Variants in SCRG1 observed in about 807,000 individuals in gnomAD.
SCRG1 encodes stimulator of chondrogenesis 1, also known as scrapie-responsive protein 1.
Under a neutral mutation model 7.7 loss-of-function variants are expected in SCRG1, and 3 were observed. That is an observed-to-expected ratio of 0.39 (90% CI 0.18 to 1.01). The LOEUF (loss-of-function observed/expected upper bound fraction) is 1.01, where lower values mean the gene tolerates loss of function less well. Ranked by LOEUF, SCRG1 falls within the 50% of genes least tolerant of loss-of-function variation. The pLI, the probability that SCRG1 is intolerant of heterozygous loss-of-function variation, is 0.36. For missense variants in SCRG1, 110 were observed against 117.2 expected, an observed-to-expected ratio of 0.94 and a Z score of 0.28; for synonymous variants, 46 against 41.2, an observed-to-expected ratio of 1.12 and a Z score of -0.44.
the SCRG1 span, among the ~76,000 whole-genome samples, chr4:173,484,683 T>TATTATATATTATATGCATATAATAC: frequency 2.0e-4 from 10 of 50,086 alleles, no homozygotes; most frequent in African/African-American, 6.1e-4. Flanking sequence ...ATGTATAATA[T>TATTATATATTATATGCATATAATAC]ATATTATATA....
chr4:173,396,857 A>AGG (rs888006598), intron 1 of SCRG1, among the ~76,000 whole-genome samples: 1 of 151,920 alleles, frequency 6.6e-6, no homozygotes, highest in Non-Finnish European at 1.5e-5. Context: ...GATTGAGACC[A>AGG]TGTTGGCCAA....
the SCRG1 span, chr4:173,419,309 T>G: frequency 1.9e-5 from 14 of 726,074 alleles, no homozygotes; most frequent in Non-Finnish European, 2.7e-5. Context: ...TACCCAATCT[T>G]TCTTCTGAGC....
the SCRG1 span, among the ~76,000 whole-genome samples, chr4:173,483,377 T>TCATGA: frequency 6.2e-5 from 1 of 16,144 alleles, no homozygotes; most frequent in African/African-American, 1.9e-4. Context: ...TAATATTATA[T>TCATGA]TATATATTAT....
the SCRG1 span, among the ~76,000 whole-genome samples, chr4:173,478,081 C>T: frequency 6.6e-6 from 1 of 152,098 alleles, no homozygotes; most frequent in Non-Finnish European, 1.5e-5. Flanking sequence ...AGGAAAAAAA[C>T]TGGGCTTGGC....
the SCRG1 span, among the ~76,000 whole-genome samples, chr4:173,481,938 G>C: frequency 6.6e-6 from 1 of 151,988 alleles, no homozygotes; most frequent in Non-Finnish European, 1.5e-5. Context: ...CAGCACCTCT[G>C]ACCCTTGTGT....
chr4:173,431,653 G>T, the SCRG1 span, among the ~76,000 whole-genome samples: 1 of 152,212 alleles, frequency 6.6e-6, no homozygotes, highest in African/African-American at 2.4e-5. Flanking sequence ...TATTTAACTA[G>T]AGTTGGTTTC....
the SCRG1 span, among the ~76,000 whole-genome samples, chr4:173,493,674 G>A: frequency 6.6e-6 from 1 of 150,556 alleles, no homozygotes. Flanking sequence ...TAATGTTGCC[G>A]AGTGCTCTAT....
At chr4:173,408,236 T>C (rs973393352), upstream of SCRG1, among the ~76,000 whole-genome samples, 2 of 152,238 alleles carry the variant, frequency 1.3e-5, no homozygotes, top group Non-Finnish European at 2.9e-5. Context: ...CACTGAAAGT[T>C]TAAAGCATAG....
At chr4:173,476,354 GAAAAA>G in the SCRG1 span, among the ~76,000 whole-genome samples, 3 of 70,164 alleles carry the variant, frequency 4.3e-5, no homozygotes, top group Admixed American at 1.6e-4. Context: ...CTCTGAGGGG[GAAAAA>G]AAAAATATAT....
chr4:173,478,075 A>T, the SCRG1 span, among the ~76,000 whole-genome samples: 1 of 152,288 alleles, frequency 6.6e-6, no homozygotes, highest in African/African-American at 2.4e-5. Context: ...TCCCTGAGGA[A>T]AAAAACTGGG....
At chr4:173,441,019 C>G in the SCRG1 span, among the ~76,000 whole-genome samples, 1 of 152,130 alleles carries the variant, frequency 6.6e-6, no homozygotes, top group African/African-American at 2.4e-5. Flanking sequence ...AATAAGGTCA[C>G]CTCCACAGTT....
chr4:173,409,541 G>A (rs1050746629), upstream of SCRG1, among the ~76,000 whole-genome samples: 6 of 151,308 alleles, frequency 4.0e-5, no homozygotes, highest in Non-Finnish European at 7.4e-5. Flanking sequence ...CAGCAAGATA[G>A]ACTAAGATAT....
chr4:173,416,334 C>T, the SCRG1 span, among the ~76,000 whole-genome samples: 1 of 152,238 alleles, frequency 6.6e-6, no homozygotes, highest in African/African-American at 2.4e-5. Flanking sequence ...GCCATAAGAA[C>T]CTCCCAAACG....
chr4:173,391,204 A>T lies in SCRG1; in HGVS notation c.211T>A (p.Cys71Ser). ...DGKGCEMICY[C>S]NFSELLCCPK... ...CAGCAGAGCAATTCGCTGAAGTTGC[A>T]GTAACAGATCATCTCACATCCCTTC... The change falls in exon 2 of 3, where the codon TGC (cysteine) becomes AGC (serine). Residue 71 changes from cysteine to serine, a missense_variant. Cys to Ser is a moderately radical substitution (Grantham distance 112). Transcript: ENST00000296506. 3 of 1,614,212 alleles carry T rather than the reference A, an allele frequency of 1.9e-6. No homozygotes were observed. The highest frequency in any genetic ancestry group is 2.5e-6 in the Non-Finnish European group (3 of 1,180,030).
chr4:173,484,943 T>TA, the SCRG1 span, among the ~76,000 whole-genome samples: 2 of 45,736 alleles, frequency 4.4e-5, no homozygotes, highest in African/African-American at 1.8e-4. Context: ...ATATTATATA[T>TA]TATATATAAT....
the SCRG1 span, among the ~76,000 whole-genome samples, chr4:173,487,301 C>T: frequency 2.6e-5 from 4 of 152,168 alleles, no homozygotes; most frequent in Admixed American, 6.5e-5. Context: ...GTCCATTACA[C>T]TTCAACACAA....
At chr4:173,442,487 C>T in the SCRG1 span, among the ~76,000 whole-genome samples, 87 of 152,318 alleles carry the variant, frequency 5.7e-4, no homozygotes, top group African/African-American at 2.0e-3. Context: ...CACGAGATAT[C>T]TGGAGTCATC....
At chr4:173,419,662 C>G in the SCRG1 span, 1 of 763,738 alleles carries the variant, frequency 1.3e-6, no homozygotes, top group Non-Finnish European at 2.3e-6. Flanking sequence ...GAGGGTTAGA[C>G]AAACCTCCAT....
At chr4:173,516,513 C>G in the SCRG1 span, among the ~76,000 whole-genome samples, 12 of 152,216 alleles carry the variant, frequency 7.9e-5, no homozygotes, top group African/African-American at 1.7e-4. Context: ...AGGTCGCTCT[C>G]GTTTACGCCC....
Sources: allele counts gnomAD v4.1 joint callset (sites outside exome capture counted in the v4.1 genomes callset), GRCh38; gene constraint gnomAD v4.1.1; transcripts MANE v1.5; gene names NCBI Gene and HGNC (gene_info 2026-07-23, HGNC 2026-07-21).